SULT1B1: variants seen among roughly 807,000 people sequenced by gnomAD.
SULT1B1 encodes the protein sulfotransferase 1B1.
Under a neutral mutation model 34.6 loss-of-function variants are expected in SULT1B1, and 28 were observed. That is an observed-to-expected ratio of 0.81 (90% CI 0.60 to 1.11). The LOEUF is 1.11. Ranked by LOEUF, SULT1B1 falls within the 50% of genes least tolerant of loss-of-function variation. SULT1B1 has a pLI of 0.00. For synonymous variants in SULT1B1, 147 were observed against 110.2 expected (o/e 1.33, Z -2.09); for missense variants, 374 against 352.2 (o/e 1.06, Z -0.50).
At chr4:69,759,592 A>G (rs773898002) in intron 1 of SULT1B1, among the ~76,000 whole-genome samples, 7 of 152,232 alleles carry the variant, frequency 4.6e-5, no homozygotes, top group Non-Finnish European at 7.3e-5. Context: ...CCTCGTCATG[A>G]CCAGTGGATA....
intron 4 of SULT1B1, among the ~76,000 whole-genome samples, chr4:69,746,155 C>T (rs1718738807): frequency 6.6e-6 from 1 of 152,192 alleles, no homozygotes; most frequent in African/African-American, 2.4e-5. Context: ...TTCACATTGA[C>T]CTCGGCGATC....
chr4:69,745,054 G>T (rs1471647209), intron 4 of SULT1B1, among the ~76,000 whole-genome samples: 1 of 152,076 alleles, frequency 6.6e-6, no homozygotes, highest in Non-Finnish European at 1.5e-5. Context: ...GGGCTTTTTG[G>T]CATTAATTTA....
rs1435286859 is a variant in SULT1B1, at chr4:69,724,109, T to G, written c.*2979A>C. 1 of 152,204 alleles carries G rather than the reference T, an allele frequency of 6.6e-6. No individual in the cohort carries two copies. The highest frequency in any genetic ancestry group is 2.4e-5 in the African/African-American group (1 of 41,436). 9.4% of individuals were successfully genotyped at this position (152,204 alleles called of 1,614,324 possible). A position where few individuals can be genotyped will look rare whatever the true frequency, so the allele number is the denominator to read the frequency against. ...TGTCCCTGTTTGCAGATGACATGAT[T>G]GTATATGTAGAAAACCCCATTGTCT... On this transcript the variant is annotated 3_prime_UTR_variant, in exon 8 of 8. Transcript: ENST00000310613.
rs1719145733 is a variant in SULT1B1, at chr4:69,755,255, A to G, written c.-38T>C. On this transcript the variant is annotated 5_prime_UTR_variant, in exon 2 of 8. Coordinates refer to ENST00000310613, the MANE Select transcript of SULT1B1 (RefSeq NM_014465.4). Reference sequence around the variant, plus strand: ...TTGTACAAATATATAATAGATTGACAGTTGTTCTGGAGAAATATAGAGAAT... The same window carrying G: ...TTGTACAAATATATAATAGATTGACGGTTGTTCTGGAGAAATATAGAGAAT... 13 of 1,595,196 alleles carry G rather than the reference A, an allele frequency of 8.1e-6. No individual in the cohort carries two copies. Among genetic ancestry groups the G allele is most frequent in the Non-Finnish European group, 1.0e-5 (12 of 1,164,384 alleles).
At position 69,754,730 on chromosome 4, in the gene SULT1B1, C is replaced by T. The variant is rs201366294; in HGVS notation, c.217G>A (p.Gly73Ser). Residue 73 changes from glycine (G) to serine (S), a missense_variant, in exon 3 of 8, where the codon GGT becomes AGT. Transcript: ENST00000310613. ...ATTGGAACTTTTTCAGTAATAAAAC[C>T]TCGCTTACATTTTTCAATATCTCCA... ...NDGDIEKCKR[G>S]FITEKVPMLE... 41 of 1,612,624 alleles carry T rather than the reference C, an allele frequency of 2.5e-5. No individual in the cohort carries two copies. The East Asian group carries it at 8.7e-4, about 34-fold the overall frequency.
intron 4 of SULT1B1, among the ~76,000 whole-genome samples, chr4:69,743,991 G>A (rs1205182375): frequency 6.6e-6 from 1 of 152,078 alleles, no homozygotes; most frequent in African/African-American, 2.4e-5. Context: ...AAAAGCACAG[G>A]GAGCCCTGGG....
At chr4:69,741,961 G>T (rs1560525809) in intron 4 of SULT1B1, among the ~76,000 whole-genome samples, 1 of 152,130 alleles carries the variant, frequency 6.6e-6, no homozygotes, top group Non-Finnish European at 1.5e-5. Flanking sequence ...TTTTGTTCCA[G>T]TTCTCATGGG....
chr4:69,743,462 A>G (rs1335009680), intron 4 of SULT1B1, among the ~76,000 whole-genome samples: 2 of 152,108 alleles, frequency 1.3e-5, no homozygotes, highest in Non-Finnish European at 2.9e-5. Context: ...AAGCACCACA[A>G]GTTCCCATTC....
intron 4 of SULT1B1, among the ~76,000 whole-genome samples, chr4:69,738,296 C>A (rs948265854): frequency 6.6e-6 from 1 of 152,076 alleles, no homozygotes; most frequent in African/African-American, 2.4e-5. Flanking sequence ...TTTCACTCTG[C>A]TATAAAGAAC....
chr4:69,728,071 T>C (rs1181669591), intron 7 of SULT1B1, among the ~76,000 whole-genome samples: 1 of 152,048 alleles, frequency 6.6e-6, no homozygotes, highest in Non-Finnish European at 1.5e-5. Flanking sequence ...TTTTGTTCTA[T>C]GTTCACCAGA....
rs150247113 is a variant in SULT1B1, at chr4:69,732,407, T to A, written c.597+1006A>T. Among the ~76,000 whole-genome samples, 147 of 152,288 alleles carry A rather than the reference T, an allele frequency of 9.7e-4. 1 individual carries two copies. The highest frequency in any genetic ancestry group is 3.4e-3 in the African/African-American group (140 of 41,556). ...TCTGTGTTATATAAAGTAGGATTAA[T>A]GCCATTAAAGTTTTGGATATTACCA... On this transcript the variant is annotated intron_variant, in intron 6 of 7. Transcript: ENST00000310613.
chr4:69,735,070 G>A (rs1034943577), intron 4 of SULT1B1, among the ~76,000 whole-genome samples: 3 of 152,072 alleles, frequency 2.0e-5, no homozygotes, highest in East Asian at 3.9e-4. Flanking sequence ...CGCCCTCCTC[G>A]GCCTCCCAAA....
chr4:69,721,974 G>C lies in SULT1B1; in HGVS notation c.*5114C>G, dbSNP rs1167546399. 1 of 151,988 alleles carries C rather than the reference G, an allele frequency of 6.6e-6. No homozygotes were observed. The highest frequency in any genetic ancestry group is 2.4e-5 in the African/African-American group (1 of 41,414). The allele number at this position is 151,988 out of a possible 1,614,324, so 9.4% of individuals were successfully genotyped here. A position where few individuals can be genotyped will look rare whatever the true frequency, so the allele number is the denominator to read the frequency against. On this transcript the variant is annotated 3_prime_UTR_variant, in exon 8 of 8. Coordinates refer to ENST00000310613, the MANE Select transcript of SULT1B1 (RefSeq NM_014465.4). ...AAATAACGATAAAAGCATTGTTTTA[G>C]AAAAATTAATTTTGCAGTATTCTGA...
At position 69,725,837 on chromosome 4, in the gene SULT1B1, A is replaced by G. The variant is rs1331816788; in HGVS notation, c.*1251T>C. On this transcript the variant is annotated 3_prime_UTR_variant, in exon 8 of 8. Transcript: ENST00000310613. ...AATTGAACGATGAGAACACTTGGAC[A>G]CAGGAAAGGTAACATCACACACTGG... is the stretch of plus-strand genomic sequence containing the variant. The G allele has an allele frequency of 6.6e-6, 1 of 151,118 alleles. No homozygotes were observed. Among genetic ancestry groups the G allele is most frequent in the Non-Finnish European group, 1.5e-5 (1 of 67,780 alleles). 9.4% of individuals were successfully genotyped at this position (151,118 alleles called of 1,614,324 possible).
intron 7 of SULT1B1, among the ~76,000 whole-genome samples, chr4:69,729,979 C>G (rs1718003873): frequency 6.6e-6 from 1 of 152,058 alleles, no homozygotes; most frequent in Non-Finnish European, 1.5e-5. Flanking sequence ...TAAATTTAGA[C>G]TCTATGTTAC....
At chr4:69,728,808 T>C (rs1190168477) in intron 7 of SULT1B1, among the ~76,000 whole-genome samples, 1 of 152,072 alleles carries the variant, frequency 6.6e-6, no homozygotes, top group African/African-American at 2.4e-5. Flanking sequence ...GGTGTTATTA[T>C]ATTATCTATT....
In SULT1B1 at chr4:69,754,895, T is replaced by C. The variant is rs1719129857; in HGVS notation, c.149-97A>G. On this transcript the variant is annotated intron_variant, in intron 2 of 7. Transcript: ENST00000310613. ...ACACTACCATCTTAACACATTCTAT[T>C]ACAAACTTAATTCCCCTTTCTATGC... 4.9e-6 allele frequency: 7 copies of C among 1,420,756 alleles called. No homozygotes were observed. In the South Asian group the frequency reaches 9.4e-5, roughly 19 times the overall value. The allele number at this position is 1,420,756 out of a possible 1,614,324, so 88.0% of individuals were successfully genotyped here. A position where few individuals can be genotyped will look rare whatever the true frequency, so the allele number is the denominator to read the frequency against.
chr4:69,726,921 G>A lies in SULT1B1; in HGVS notation c.*167C>T, dbSNP rs182112269. ...GAGAATTTGGAAACTCAGAATCAAA[G>A]GAACAAAACTGGGATCTGATTAATA... On this transcript the variant is annotated 3_prime_UTR_variant, in exon 8 of 8. Coordinates refer to ENST00000310613, the MANE Select transcript of SULT1B1 (RefSeq NM_014465.4). 1.6e-4 allele frequency: 75 copies of A among 480,682 alleles called. No homozygotes were observed. The highest frequency in any genetic ancestry group is 1.9e-4 in the Non-Finnish European group (53 of 284,190). 29.8% of individuals were successfully genotyped at this position (480,682 alleles called of 1,614,324 possible).
At chr4:69,729,650 A>G (rs1053132297) in intron 7 of SULT1B1, among the ~76,000 whole-genome samples, 1 of 152,132 alleles carries the variant, frequency 6.6e-6, no homozygotes. Flanking sequence ...AACTTTTCAA[A>G]AAATTAATCA....
Sources: allele counts gnomAD v4.1 joint callset (sites outside exome capture counted in the v4.1 genomes callset), GRCh38; gene constraint gnomAD v4.1.1; transcripts MANE v1.5; gene names NCBI Gene and HGNC (gene_info 2026-07-23, HGNC 2026-07-21).